Variants in NEDD9 observed in about 807,000 individuals in gnomAD.
The protein encoded by NEDD9 is neural precursor cell expressed, developmentally down-regulated 9.
In NEDD9, 26 loss-of-function variants were observed where a neutral mutation model predicts 76.6. That is an observed-to-expected ratio of 0.34 (90% confidence interval 0.25 to 0.47). The LOEUF (loss-of-function observed/expected upper bound fraction) is 0.47. Ranked by LOEUF, NEDD9 falls within the 20% of genes least tolerant of loss-of-function variation. NEDD9 has a pLI of 1.00. For missense variants in NEDD9, 937 were observed against 1,058.5 expected (o/e 0.89, Z 1.59); for synonymous variants, 392 against 414.2 (o/e 0.95, Z 0.65).
intron 3 of NEDD9, among the ~76,000 whole-genome samples, chr6:11,269,929 A>G (rs7757297): frequency 1.3e-5 from 2 of 152,142 alleles, no homozygotes; most frequent in East Asian, 3.9e-4. Flanking sequence ...GAGTTGTAGC[A>G]CAGCCTGGCC....
intron 1 of NEDD9, among the ~76,000 whole-genome samples, chr6:11,371,941 G>A (rs949766409): frequency 1.3e-5 from 2 of 152,104 alleles, no homozygotes; most frequent in African/African-American, 4.8e-5. Flanking sequence ...CAGGGTACAT[G>A]GGGTCTCCAT....
At chr6:11,254,021 T>A (rs1259289794) in intron 3 of NEDD9, among the ~76,000 whole-genome samples, 1 of 152,254 alleles carries the variant, frequency 6.6e-6, no homozygotes, top group African/African-American at 2.4e-5. Context: ...TACATTTGAA[T>A]TTCAGATAAA....
intron 2 of NEDD9, among the ~76,000 whole-genome samples, chr6:11,324,402 C>T (rs1034732319): frequency 2.6e-5 from 4 of 152,108 alleles, no homozygotes; most frequent in Non-Finnish European, 4.4e-5. Flanking sequence ...CTCAGTGCAC[C>T]GCCCGATCCC....
chr6:11,250,269 G>T (rs1217243955), intron 3 of NEDD9, among the ~76,000 whole-genome samples: 4 of 152,212 alleles, frequency 2.6e-5, no homozygotes, highest in Non-Finnish European at 5.9e-5. Context: ...CTGGGTGAGA[G>T]TTAGAGCCCC....
chr6:11,318,933 T>C (rs1270648468), intron 2 of NEDD9, among the ~76,000 whole-genome samples: 3 of 152,260 alleles, frequency 2.0e-5, no homozygotes, highest in Non-Finnish European at 2.9e-5. Context: ...GTCCAGTTTA[T>C]ACCTAATTCA....
At chr6:11,351,416 A>G (rs1308773030) in intron 1 of NEDD9, among the ~76,000 whole-genome samples, 2 of 152,174 alleles carry the variant, frequency 1.3e-5, no homozygotes, top group African/African-American at 4.8e-5. Context: ...ATTGCCCCTG[A>G]AAATAGAAAA....
chr6:11,216,417 C>T (rs543524287), intron 1 of NEDD9, among the ~76,000 whole-genome samples: 1 of 152,136 alleles, frequency 6.6e-6, no homozygotes, highest in East Asian at 1.9e-4. Flanking sequence ...GCCCTTGTGT[C>T]ACAGATGAGG....
chr6:11,301,681 C>G (rs978908018), intron 3 of NEDD9, among the ~76,000 whole-genome samples: 1 of 152,184 alleles, frequency 6.6e-6, no homozygotes, highest in Non-Finnish European at 1.5e-5. Context: ...GACTACAGTG[C>G]AATCAAATTA....
chr6:11,203,975 T>TAA (rs59959052), intron 2 of NEDD9, among the ~76,000 whole-genome samples: 34,758 of 149,304 alleles, frequency 0.23, 4,717 homozygotes, highest in South Asian at 0.45. Context: ...ATCTTTTCTT[T>TAA]AAAAAAAAAA....
At chr6:11,307,490 G>A (rs1380993814) in intron 2 of NEDD9, among the ~76,000 whole-genome samples, 6 of 152,218 alleles carry the variant, frequency 3.9e-5, no homozygotes, top group Non-Finnish European at 2.9e-5. Flanking sequence ...GATTTACTGC[G>A]TTTCCAGCGC....
intron 2 of NEDD9, among the ~76,000 whole-genome samples, chr6:11,206,542 T>G (rs1038048794): frequency 3.9e-5 from 6 of 152,228 alleles, no homozygotes; most frequent in African/African-American, 1.4e-4. Context: ...ATTAAAGCAG[T>G]CTCTTACCTC....
intron 2 of NEDD9, among the ~76,000 whole-genome samples, chr6:11,314,983 G>T (rs942112545): frequency 2.0e-5 from 3 of 152,198 alleles, no homozygotes; most frequent in Admixed American, 2.0e-4. Context: ...GAAGCTCTCT[G>T]GTTAGCTTGT....
chr6:11,299,627 G>T (rs1482997137), intron 3 of NEDD9, among the ~76,000 whole-genome samples: 1 of 152,196 alleles, frequency 6.6e-6, no homozygotes, highest in Non-Finnish European at 1.5e-5. Context: ...CCTCAAACAG[G>T]TGAGTGCCCC....
chr6:11,212,428 C>A (rs768583243), intron 2 of NEDD9, among the ~76,000 whole-genome samples: 2 of 152,220 alleles, frequency 1.3e-5, no homozygotes, highest in Non-Finnish European at 2.9e-5. Context: ...CTGTCTCCCC[C>A]ACGGCAATGT....
At chr6:11,257,969 C>G (rs1760037814) in intron 3 of NEDD9, among the ~76,000 whole-genome samples, 1 of 152,166 alleles carries the variant, frequency 6.6e-6, no homozygotes, top group African/African-American at 2.4e-5. Flanking sequence ...ATATAAATAA[C>G]TGATCATAAT....
chr6:11,203,532 C>G (rs966363502), intron 2 of NEDD9, among the ~76,000 whole-genome samples: 1 of 152,132 alleles, frequency 6.6e-6, no homozygotes, highest in African/African-American at 2.4e-5. Context: ...ATGGGGCAAA[C>G]CACTCACAAG....
intron 2 of NEDD9, among the ~76,000 whole-genome samples, chr6:11,196,079 C>A (rs565706873): frequency 1.1e-3 from 164 of 152,132 alleles, no homozygotes; most frequent in African/African-American, 3.4e-3. Context: ...GCAAGGATCG[C>A]GGATCACGAG....
At chr6:11,327,211 G>A (rs919625217) in intron 2 of NEDD9, among the ~76,000 whole-genome samples, 2 of 152,072 alleles carry the variant, frequency 1.3e-5, no homozygotes, top group African/African-American at 2.4e-5. Context: ...AGAGACAATC[G>A]GACTACAATT....
chr6:11,345,846 A>G lies in NEDD9; in HGVS notation c.-213-11285T>C, dbSNP rs74512392. Among the ~76,000 whole-genome samples, 954 of 152,322 alleles carry G rather than the reference A, an allele frequency of 6.3e-3. 36 individuals are homozygous for G. In the East Asian group the frequency reaches 0.13, roughly 20 times the overall value. ...TCAGTGTGAGAGACAGAGCATAAACAATTTCCAAGTTTATCTTGTACCACC... is the reference window on the plus strand; with the variant it reads ...TCAGTGTGAGAGACAGAGCATAAACGATTTCCAAGTTTATCTTGTACCACC... On this transcript the variant is annotated intron_variant, in intron 1 of 3. Transcript: ENST00000397378.
Sources: gnomAD v4.1 joint callset for allele counts (sites outside exome capture counted in the v4.1 genomes callset) on GRCh38, gnomAD v4.1.1 for gene constraint, MANE v1.5 for transcripts, NCBI Gene and HGNC (gene_info 2026-07-23, HGNC 2026-07-21) for gene names.